The following CFAP47 variants were observed in gnomAD, a reference collection of about 807,000 sequenced individuals.
The protein encoded by CFAP47 is cilia- and flagella-associated protein 47.
CFAP47 carries 29 observed loss-of-function variants against 148.1 expected under a neutral mutation model. The observed-to-expected ratio is 0.20, with a 90% CI of 0.15 to 0.27. The LOEUF is 0.27. Among genes scored for constraint, CFAP47 ranks in the 10% least tolerant of loss-of-function variants. The pLI is 1.00. For synonymous variants in CFAP47, 664 were observed against 577.3 expected (o/e 1.15, Z -2.15); for missense variants, 1,872 against 1,697.5 (o/e 1.10, Z -1.81).
chrX:36,357,030 G>C (rs782193827), intron 60 of CFAP47, among the ~76,000 whole-genome samples: 29 of 112,196 alleles, frequency 2.6e-4, no homozygotes, highest in Non-Finnish European at 4.7e-4. Context: ...GGCCAGTTGT[G>C]AACTCCTTGC....
chrX:36,003,587 A>C (rs1936941605), intron 21 of CFAP47, among the ~76,000 whole-genome samples: 1 of 110,205 alleles, frequency 9.1e-6, no homozygotes, highest in African/African-American at 3.3e-5. Flanking sequence ...TTTTTTAAAA[A>C]ATATTAATTT....
chrX:35,933,218 C>T (rs1006133353), intron 2 of CFAP47, among the ~76,000 whole-genome samples: 1 of 107,352 alleles, frequency 9.3e-6, no homozygotes, highest in South Asian at 4.3e-4. Flanking sequence ...TTCTTCCCCA[C>T]CCCCAATTAC....
chrX:35,950,968 A>G (rs1291753220), intron 4 of CFAP47, among the ~76,000 whole-genome samples, 163 bp from the exon 5 acceptor site: 4 of 111,771 alleles, frequency 3.6e-5, no homozygotes, highest in Non-Finnish European at 5.6e-5. Context: ...AGAACCTGAT[A>G]ACCTCTGGTA....
chrX:36,375,991 A>G (rs782535229), intron 62 of CFAP47, among the ~76,000 whole-genome samples: 1 of 112,240 alleles, frequency 8.9e-6, no homozygotes, highest in South Asian at 3.7e-4. Flanking sequence ...TCAAGAAGCA[A>G]GAGGCCAGAG....
intron 2 of CFAP47, among the ~76,000 whole-genome samples, chrX:35,926,990 C>CA (rs1037892463): frequency 1.2e-4 from 13 of 106,144 alleles, no homozygotes; most frequent in African/African-American, 6.9e-5. Context: ...ACAAAAAATA[C>CA]AAAAAAAAGA....
intron 45 of CFAP47, 107 bp from the exon 46 acceptor site, chrX:36,228,521 T>G: frequency 2.2e-6 from 1 of 459,992 alleles, no homozygotes; most frequent in Non-Finnish European, 3.9e-6. Flanking sequence ...AAACCTATTC[T>G]AGGTTATGCA....
chrX:36,009,665 A>T (rs1460530391), intron 21 of CFAP47, among the ~76,000 whole-genome samples: 2 of 112,317 alleles, frequency 1.8e-5, no homozygotes, highest in African/African-American at 6.5e-5. Context: ...TGGACTGTAC[A>T]TAAGATTCTA....
chrX:36,001,642 A>G lies in CFAP47; in HGVS notation c.3352A>G (p.Ile1118Val), dbSNP rs72628190. 3.4e-6 allele frequency: 1 copy of G among 296,239 alleles called. No homozygotes were observed. Among genetic ancestry groups the G allele is most frequent in the Middle Eastern group, 8.9e-4 (1 of 1,124 alleles). The allele number at this position is 296,239 out of a possible 1,213,427, so 24.4% of individuals were successfully genotyped here. A position where few individuals can be genotyped will look rare whatever the true frequency, so the allele number is the denominator to read the frequency against. Residue 1118 changes from isoleucine to valine, a missense_variant, in exon 21 of 64, where the codon ATA (isoleucine) becomes GTA (valine). By Grantham distance (29) the Ile-to-Val change is conservative. Coordinates refer to ENST00000378653, the MANE Select transcript of CFAP47 (RefSeq NM_001304548.2). ...EEFKDPAVPY[I>V]YSLELEENTS... is the part of the protein sequence containing the mutation. ...ATTTAAAGACCCTGCAGTTCCTTATATATATTCTTTGGAATTAGAGGAAAA... is the reference window on the plus strand; with the variant it reads ...ATTTAAAGACCCTGCAGTTCCTTATGTATATTCTTTGGAATTAGAGGAAAA...
chrX:36,123,953 G>A (rs746048758), intron 33 of CFAP47, among the ~76,000 whole-genome samples: 2 of 111,221 alleles, frequency 1.8e-5, no homozygotes, highest in Non-Finnish European at 3.8e-5. Flanking sequence ...ATTGTACCTG[G>A]GTATCACTGC....
At chrX:36,041,826 T>C (rs1363997469) in intron 25 of CFAP47, among the ~76,000 whole-genome samples, 1 of 105,760 alleles carries the variant, frequency 9.5e-6, no homozygotes, top group African/African-American at 3.5e-5. Context: ...CTTGGGAGGC[T>C]GAGGCCGGAG....
At chrX:36,231,803 T>C (rs1174192183) in intron 46 of CFAP47, among the ~76,000 whole-genome samples, 1 of 111,792 alleles carries the variant, frequency 8.9e-6, no homozygotes, top group Non-Finnish European at 1.9e-5. Flanking sequence ...ACCTAATTTA[T>C]TGAGAGTTTT....
At chrX:35,956,294 G>A in intron 8 of CFAP47, 98 bp downstream of exon 8, 1 of 645,724 alleles carries the variant, frequency 1.5e-6, no homozygotes, top group African/African-American at 2.2e-5. Context: ...TTCTACCAGT[G>A]TTTATAAATT....
chrX:36,108,344 A>G (rs1330320350), intron 33 of CFAP47, among the ~76,000 whole-genome samples: 1 of 111,157 alleles, frequency 9.0e-6, no homozygotes, highest in Non-Finnish European at 1.9e-5. Context: ...CCTCACCTCC[A>G]GTTCTGTATA....
intron 30 of CFAP47, among the ~76,000 whole-genome samples, chrX:36,090,511 C>T (rs1938165030): frequency 9.0e-6 from 1 of 111,399 alleles, no homozygotes; most frequent in Admixed American, 9.6e-5. Flanking sequence ...TGTGTTATGA[C>T]ATTTTATGAT....
chrX:35,937,104 GTTT>G (rs377601530), intron 2 of CFAP47, among the ~76,000 whole-genome samples: 1 of 55,541 alleles, frequency 1.8e-5, no homozygotes, highest in Non-Finnish European at 3.6e-5. Flanking sequence ...TGCAATTGCT[GTTT>G]TTTTTTTTTT....
intron 29 of CFAP47, among the ~76,000 whole-genome samples, chrX:36,080,314 C>G (rs965873576): frequency 1.8e-5 from 2 of 111,438 alleles, no homozygotes; most frequent in African/African-American, 6.5e-5. Flanking sequence ...AATAGGAACA[C>G]TTTTACACTG....
At chrX:36,100,430 G>A (rs778143904) in intron 32 of CFAP47, among the ~76,000 whole-genome samples, 3 of 112,110 alleles carry the variant, frequency 2.7e-5, no homozygotes, top group Middle Eastern at 4.6e-3. Context: ...TGAGATTCTC[G>A]AACTTACTTC....
At position 36,161,060 on chromosome X, in the gene CFAP47, A is replaced by T. The variant is rs1428888982; in HGVS notation, c.6026+291A>T. Among the ~76,000 whole-genome samples, 5 of 109,718 alleles carry T rather than the reference A, an allele frequency of 4.6e-5. No individual in the cohort carries two copies. In the Admixed American group the frequency reaches 4.9e-4, roughly 11 times the overall value. On this transcript the variant is annotated intron_variant, in intron 39 of 63. Coordinates refer to ENST00000378653, the MANE Select transcript of CFAP47 (RefSeq NM_001304548.2). ...ATGGGGTTTCACCATGTTGGCCAGG[A>T]TGATCTCGATCTCTTGACCTCGTGA...
At chrX:35,920,511 G>A (rs1935561321) in intron 1 of CFAP47, among the ~76,000 whole-genome samples, 1 of 111,709 alleles carries the variant, frequency 9.0e-6, no homozygotes, top group African/African-American at 3.3e-5. Flanking sequence ...TATATAACGG[G>A]TAATAGACAT....
Sources: allele counts gnomAD v4.1 joint callset (sites outside exome capture counted in the v4.1 genomes callset), GRCh38; gene constraint gnomAD v4.1.1; transcripts MANE v1.5; gene names NCBI Gene and HGNC (gene_info 2026-07-23, HGNC 2026-07-21).